Variants in SMURF2 observed in about 807,000 individuals in gnomAD.
The protein encoded by SMURF2 is SMAD specific E3 ubiquitin protein ligase 2.
A neutral mutation model predicts 109.6 loss-of-function variants in SMURF2; 48 were observed. The observed-to-expected ratio is 0.44, with a 90% CI of 0.35 to 0.56. SMURF2 has a LOEUF of 0.56. SMURF2 is among the 20% of genes least tolerant of loss of function. The pLI, the probability that SMURF2 is intolerant of heterozygous loss-of-function variation, is 0.01. For missense variants in SMURF2, 575 were observed against 909.0 expected, an observed-to-expected ratio of 0.63 and a Z score of 4.72; for synonymous variants, 288 against 317.1, an observed-to-expected ratio of 0.91 and a Z score of 0.97.
At position 64,580,833 on chromosome 17, in the gene SMURF2, C is replaced by T. The variant is rs1568182444; in HGVS notation, c.728G>A (p.Ser243Asn). 6.2e-7 allele frequency: 1 copy of T among 1,614,162 alleles called. No individual in the cohort carries two copies. Among genetic ancestry groups the T allele is most frequent in the East Asian group, 2.2e-5 (1 of 44,892 alleles). Residue 243 changes from serine to asparagine, a missense_variant, in exon 8 of 19, where the codon AGC becomes AAC. By Grantham distance (46) the Ser-to-Asn change is conservative (BLOSUM62 1). Coordinates refer to ENST00000262435, the MANE Select transcript of SMURF2 (RefSeq NM_022739.4). ...TGGAGGAGTATGTAAATGTGTTCTG[C>T]TCATGTAATTTCTATGTCGTTGTGA... ...VRSQRHRNYMSRTHLHTPPDL... is the reference protein window; with the variant it reads ...VRSQRHRNYMNRTHLHTPPDL...
chr17:64,631,502 A>G (rs1422051568), intron 1 of SMURF2, among the ~76,000 whole-genome samples: 2 of 152,148 alleles, frequency 1.3e-5, no homozygotes, highest in African/African-American at 4.8e-5. Flanking sequence ...GAAGATAAAA[A>G]GAGTACTTAA....
At position 64,656,720 on chromosome 17, in the gene SMURF2, G is replaced by A. The variant is rs572182017; in HGVS notation, c.52+5109C>T. Among the ~76,000 whole-genome samples, 4 of 152,062 alleles carry A rather than the reference G, an allele frequency of 2.6e-5. No individual in the cohort carries two copies. The South Asian group carries it at 8.3e-4, about 32-fold the overall frequency. On this transcript the variant is annotated intron_variant, in intron 1 of 18. Transcript: ENST00000262435. The stretch of plus-strand genomic sequence containing the variant: ...ACCAAGATGTTTACAGCAATTATTT[G>A]TAATAAAAAATTTGGAAATAAACAT...
rs564114044 is a variant in SMURF2, at chr17:64,631,178, T to C, written c.53-24538A>G. Reference sequence around the variant, plus strand: ...TTAGCCGGGTGTGGTGGCGTGTGCCTGTAGTCCCAGCTACTCAGGTCAAAA... The same window carrying C: ...TTAGCCGGGTGTGGTGGCGTGTGCCCGTAGTCCCAGCTACTCAGGTCAAAA... On this transcript the variant is annotated intron_variant, in intron 1 of 18. Transcript: ENST00000262435. 5.6e-3 allele frequency among the ~76,000 whole-genome samples: 830 copies of C among 147,556 alleles called. 3 individuals are homozygous for C. The highest frequency in any genetic ancestry group is 9.9e-3 in the Admixed American group (145 of 14,606).
intron 1 of SMURF2, among the ~76,000 whole-genome samples, chr17:64,643,264 C>T (rs998213901): frequency 5.9e-5 from 9 of 152,052 alleles, no homozygotes; most frequent in African/African-American, 2.2e-4. Context: ...TTCAAGCCAC[C>T]CACCTGCGCT....
intron 5 of SMURF2, among the ~76,000 whole-genome samples, chr17:64,588,427 G>A (rs1969698687): frequency 2.0e-5 from 3 of 151,734 alleles, no homozygotes; most frequent in African/African-American, 4.8e-5. Flanking sequence ...ATTAAGTTAT[G>A]ATATATCTAT....
At chr17:64,654,070 T>C (rs1464916494) in intron 1 of SMURF2, among the ~76,000 whole-genome samples, 2 of 152,202 alleles carry the variant, frequency 1.3e-5, no homozygotes, top group East Asian at 1.9e-4. Context: ...GTTCTCGGTA[T>C]TGAAGAAGAC....
At chr17:64,635,172 C>T (rs565814484) in intron 1 of SMURF2, among the ~76,000 whole-genome samples, 1 of 151,876 alleles carries the variant, frequency 6.6e-6, no homozygotes, top group South Asian at 2.1e-4. Flanking sequence ...ATTAAAAATA[C>T]AAAAATTAGC....
chr17:64,554,478 T>C (rs1555683867), intron 15 of SMURF2, among the ~76,000 whole-genome samples: 1 of 152,060 alleles, frequency 6.6e-6, no homozygotes, highest in Non-Finnish European at 1.5e-5. Context: ...TGGCCTTTGA[T>C]ATCACATAGG....
At chr17:64,601,268 G>A (rs8078074) in intron 2 of SMURF2, among the ~76,000 whole-genome samples, 1 of 151,984 alleles carries the variant, frequency 6.6e-6, no homozygotes, top group East Asian at 1.9e-4. Context: ...TGGAAAAAAA[G>A]ATTAAGGATT....
chr17:64,562,743 TA>T, intron 11 of SMURF2, 27 bp downstream of exon 11: 2 of 1,597,244 alleles, frequency 1.3e-6, no homozygotes. Context: ...AAAAAAATAG[TA>T]AAACAAAATA....
At position 64,562,962 on chromosome 17, in the gene SMURF2, G is replaced by A; in HGVS notation, c.1021C>T (p.Gln341Ter). The A allele has an allele frequency of 6.2e-7, 1 of 1,611,834 alleles. No homozygotes were observed. Among genetic ancestry groups the A allele is most frequent in the Non-Finnish European group, 8.5e-7 (1 of 1,178,796 alleles). Residue 341 changes from glutamine (Q) to a stop codon, truncating the protein, a stop_gained, in exon 11 of 19, where the codon CAG (glutamine) becomes TAG (stop). Transcript: ENST00000262435. LOFTEE classifies it high-confidence loss of function. ...SANLHLVLNR[Q>*]NQLKDQQQQQ... Reference sequence around the variant, plus strand: ...TGCTGTTGGTCTTTCAATTGGTTCTGCCGACTAGAAGTAAACATAGATGTT... The same window carrying A: ...TGCTGTTGGTCTTTCAATTGGTTCTACCGACTAGAAGTAAACATAGATGTT...
intron 2 of SMURF2, among the ~76,000 whole-genome samples, chr17:64,603,175 A>T (rs1250284626): frequency 6.6e-6 from 1 of 152,048 alleles, no homozygotes; most frequent in Non-Finnish European, 1.5e-5. Flanking sequence ...AATGACTTCA[A>T]TTTGGCCCCC....
intron 18 of SMURF2, 79 bp from the exon 19 acceptor site, chr17:64,546,026 C>G: frequency 3.1e-6 from 3 of 974,514 alleles, no homozygotes; most frequent in Non-Finnish European, 4.9e-6. Context: ...CCAGTATAGC[C>G]ACATCACTCT....
At chr17:64,583,591 C>T in intron 6 of SMURF2, 47 bp from the exon 7 acceptor site, 1 of 1,419,184 alleles carries the variant, frequency 7.0e-7, no homozygotes, top group South Asian at 1.2e-5. Context: ...GAAACTTGGA[C>T]ACAGTGCAAC....
chr17:64,590,574 T>C (rs1969737466), intron 5 of SMURF2, among the ~76,000 whole-genome samples: 1 of 152,182 alleles, frequency 6.6e-6, no homozygotes, highest in African/African-American at 2.4e-5. Context: ...TCCCTCCAGG[T>C]CAATTCAAGA....
intron 8 of SMURF2, among the ~76,000 whole-genome samples, chr17:64,578,889 T>C (rs1032122919): frequency 6.6e-6 from 1 of 152,192 alleles, no homozygotes; most frequent in Non-Finnish European, 1.5e-5. Flanking sequence ...AAATGATGTA[T>C]AAAAGGCTCT....
intron 10 of SMURF2, among the ~76,000 whole-genome samples, chr17:64,569,300 TAA>T (rs369705258): frequency 4.2e-5 from 6 of 141,886 alleles, no homozygotes; most frequent in African/African-American, 5.2e-5. Context: ...AAACTCCATC[TAA>T]AAAAAAAAAA....
chr17:64,592,338 T>C (rs1969761986), intron 4 of SMURF2, among the ~76,000 whole-genome samples: 4 of 152,224 alleles, frequency 2.6e-5, no homozygotes. Context: ...TTATATGCAA[T>C]TCATTTTTTC....
At chr17:64,618,909 A>G (rs1368988189) in intron 1 of SMURF2, among the ~76,000 whole-genome samples, 1 of 152,196 alleles carries the variant, frequency 6.6e-6, no homozygotes, top group African/African-American at 2.4e-5. Flanking sequence ...TTAGGGTCAG[A>G]ATGCATGGGT....
Sources: gnomAD v4.1 joint callset for allele counts (sites outside exome capture counted in the v4.1 genomes callset) on GRCh38, gnomAD v4.1.1 for gene constraint, MANE v1.5 for transcripts, NCBI Gene and HGNC (gene_info 2026-07-23, HGNC 2026-07-21) for gene names.